The following AFAP1 variants were observed in gnomAD, a reference collection of about 807,000 sequenced individuals.
AFAP1 encodes the protein actin filament-associated protein 1.
Under a neutral mutation model 93.9 loss-of-function variants are expected in AFAP1, and 75 were observed. The observed-to-expected ratio is 0.80, with a 90% CI of 0.66 to 0.97. AFAP1 has a LOEUF of 0.97. AFAP1 is among the 50% of genes least tolerant of loss of function. The pLI is 0.00. For missense variants in AFAP1, 1,201 were observed against 1,050.8 expected (o/e 1.14, Z -1.98); for synonymous variants, 517 against 430.7 (o/e 1.20, Z -2.48).
chr4:7,773,146 A>G lies in AFAP1; in HGVS notation c.2063-136T>C. ...TCCCCTGACTTAGGTCCTCGTTGTG[A>G]AACTTAAATTCAGCAGTTCTCTAAG... is the stretch of plus-strand genomic sequence containing the variant. On this transcript the variant is annotated intron_variant, in intron 15 of 17. Coordinates refer to ENST00000420658, the MANE Select transcript of AFAP1 (RefSeq NM_001134647.2). 8 of 1,361,148 alleles carry G rather than the reference A, an allele frequency of 5.9e-6. No individual in the cohort carries two copies. In the South Asian group the frequency reaches 1.1e-4, roughly 18 times the overall value. 84.3% of individuals were successfully genotyped at this position (1,361,148 alleles called of 1,614,324 possible). A position where few individuals can be genotyped will look rare whatever the true frequency, so the allele number is the denominator to read the frequency against.
Position 7,867,485 on chromosome 4 carries a change from T to A in AFAP1, c.225+1137A>T, listed in dbSNP as rs115039445. ...ACTCCACTTCGGTGGACAGGCTCAATGCTAACAGTCTTCTCCTGTCTGAGG... is the reference window on the plus strand; with the variant it reads ...ACTCCACTTCGGTGGACAGGCTCAAAGCTAACAGTCTTCTCCTGTCTGAGG... On this transcript the variant is annotated intron_variant, in intron 3 of 17. Transcript: ENST00000420658. Among the ~76,000 whole-genome samples the A allele has an allele frequency of 5.9e-3, 896 of 152,270 alleles. 7 individuals are homozygous for A. The highest frequency in any genetic ancestry group is 0.019 in the African/African-American group (785 of 41,556).
chr4:7,896,474 T>C (rs1415194667), intron 1 of AFAP1, among the ~76,000 whole-genome samples: 1 of 152,022 alleles, frequency 6.6e-6, no homozygotes, highest in Admixed American at 6.6e-5. Flanking sequence ...AAAACAGCTC[T>C]TCTCAAGTCA....
At chr4:7,908,678 A>T (rs1443509249) in intron 1 of AFAP1, among the ~76,000 whole-genome samples, 1 of 152,248 alleles carries the variant, frequency 6.6e-6, no homozygotes, top group Non-Finnish European at 1.5e-5. Context: ...TTCCTTGTTC[A>T]AAGAGAAATT....
At chr4:7,844,726 C>T (rs762718631) in intron 4 of AFAP1, among the ~76,000 whole-genome samples, 5 of 152,220 alleles carry the variant, frequency 3.3e-5, no homozygotes, top group Non-Finnish European at 7.3e-5. Context: ...GGGCCAATGG[C>T]GTAGTAAAAG....
chr4:7,935,367 G>A (rs969678418), intron 1 of AFAP1, among the ~76,000 whole-genome samples: 1 of 152,102 alleles, frequency 6.6e-6, no homozygotes, highest in Non-Finnish European at 1.5e-5. Context: ...CCAGTCCTCT[G>A]CTAAAAAGAA....
rs1714102881 is a variant in AFAP1, at chr4:7,763,506, T to C, written c.*259A>G. On this transcript the variant is annotated 3_prime_UTR_variant, in exon 18 of 18. Coordinates refer to ENST00000420658, the MANE Select transcript of AFAP1 (RefSeq NM_001134647.2). ...TGTCACTTCGCCTGATAGCATCCTT[T>C]CAAACACCTTTCCATCACTTTTTTT... 3.8e-6 allele frequency: 2 copies of C among 530,338 alleles called. No homozygotes were observed. The highest frequency in any genetic ancestry group is 6.7e-6 in the Non-Finnish European group (2 of 300,234). 32.9% of individuals were successfully genotyped at this position (530,338 alleles called of 1,614,324 possible).
At chr4:7,902,177 C>A (rs1719153178) in intron 1 of AFAP1, among the ~76,000 whole-genome samples, 1 of 152,154 alleles carries the variant, frequency 6.6e-6, no homozygotes, top group African/African-American at 2.4e-5. Context: ...AAGAACCCAG[C>A]TGGTTAGGGG....
Position 7,772,562 on chromosome 4 carries a change from T to C in AFAP1, c.2253+258A>G, listed in dbSNP as rs148439420. 3.3e-4 allele frequency: 154 copies of C among 469,660 alleles called. No homozygotes were observed. The East Asian group carries it at 5.0e-3, about 15-fold the overall frequency. 29.1% of individuals were successfully genotyped at this position (469,660 alleles called of 1,614,324 possible). ...GAGGACTGGATCTGTTCTAAACAGATTGTGCAAAGGGGAAAGACACAGACT... is the reference window on the plus strand; with the variant it reads ...GAGGACTGGATCTGTTCTAAACAGACTGTGCAAAGGGGAAAGACACAGACT... On this transcript the variant is annotated intron_variant, in intron 16 of 17. Transcript: ENST00000420658.
intron 1 of AFAP1, among the ~76,000 whole-genome samples, chr4:7,884,250 C>A (rs1718019867): frequency 6.6e-6 from 1 of 152,206 alleles, no homozygotes; most frequent in Non-Finnish European, 1.5e-5. Flanking sequence ...GCCTGCAGAA[C>A]TATGAGCCAA....
intron 1 of AFAP1, among the ~76,000 whole-genome samples, chr4:7,907,775 C>A (rs1162085507): frequency 6.6e-6 from 1 of 152,156 alleles, no homozygotes; most frequent in Non-Finnish European, 1.5e-5. Context: ...TGGTTCCAAG[C>A]AGTTTAGATA....
chr4:7,862,584 T>G (rs58569022), intron 3 of AFAP1, among the ~76,000 whole-genome samples: 1 of 152,142 alleles, frequency 6.6e-6, no homozygotes, highest in Non-Finnish European at 1.5e-5. Flanking sequence ...ATGGTTAAAA[T>G]GGTAAATTTT....
intron 11 of AFAP1, among the ~76,000 whole-genome samples, chr4:7,789,848 G>A (rs1481934703): frequency 2.6e-5 from 4 of 152,330 alleles, no homozygotes; most frequent in Non-Finnish European, 5.9e-5. Flanking sequence ...AGCTGAGTGT[G>A]ACTTGAAGAG....
chr4:7,872,186 G>A, intron 1 of AFAP1, 106 bp from the exon 2 acceptor site: 1 of 1,419,112 alleles, frequency 7.0e-7, no homozygotes, highest in Non-Finnish European at 9.5e-7. Context: ...TTGATCATTG[G>A]ATATAGTATT....
intron 4 of AFAP1, among the ~76,000 whole-genome samples, chr4:7,852,376 C>T (rs1714540599): frequency 6.6e-6 from 1 of 152,186 alleles, no homozygotes; most frequent in Admixed American, 6.5e-5. Flanking sequence ...CCTGGCCACA[C>T]TGGGCTCCTC....
intron 3 of AFAP1, among the ~76,000 whole-genome samples, chr4:7,867,546 C>T (rs986079182): frequency 2.0e-5 from 3 of 152,192 alleles, no homozygotes; most frequent in Non-Finnish European, 4.4e-5. Context: ...CACCTCTGAA[C>T]TAGTATTGTT....
At chr4:7,906,565 T>G (rs2149221779) in intron 1 of AFAP1, among the ~76,000 whole-genome samples, 1 of 152,220 alleles carries the variant, frequency 6.6e-6, no homozygotes, top group East Asian at 1.9e-4. Context: ...ACAGTATCAC[T>G]CCGGCCCAGT....
intron 1 of AFAP1, among the ~76,000 whole-genome samples, chr4:7,918,231 C>G (rs1211566298): frequency 7.3e-6 from 1 of 137,172 alleles, no homozygotes; most frequent in African/African-American, 2.6e-5. Context: ...GGATGAGACA[C>G]TCGGCCCAGG....
At chr4:7,848,168 AGGG>A (rs1713992945) in intron 4 of AFAP1, among the ~76,000 whole-genome samples, 2 of 19,512 alleles carry the variant, frequency 1.0e-4, no homozygotes, top group African/African-American at 2.4e-4. Flanking sequence ...GGTAAGTGGG[AGGG>A]AGGGAGGGAG....
At position 7,786,061 on chromosome 4, in the gene AFAP1, T is replaced by C. The variant is rs913840988; in HGVS notation, c.1530+133A>G. 1.1e-5 allele frequency: 8 copies of C among 728,066 alleles called. No homozygotes were observed. The Admixed American group carries it at 1.3e-4, about 11-fold the overall frequency. The allele number at this position is 728,066 out of a possible 1,614,324, so 45.1% of individuals were successfully genotyped here. ...AGAAACCAGGAGAACAGAGATGAGA[T>C]GGAGTCTCCTTGCCTCAGAGCATTA... On this transcript the variant is annotated intron_variant, in intron 12 of 17. Coordinates refer to ENST00000420658, the MANE Select transcript of AFAP1 (RefSeq NM_001134647.2).
Sources: gnomAD v4.1 joint callset for allele counts (sites outside exome capture counted in the v4.1 genomes callset) on GRCh38, gnomAD v4.1.1 for gene constraint, MANE v1.5 for transcripts, NCBI Gene and HGNC (gene_info 2026-07-23, HGNC 2026-07-21) for gene names.